GFAP: variants seen among roughly 807,000 people sequenced by gnomAD.
GFAP encodes intermediate filament protein.
A neutral mutation model predicts 49.3 loss-of-function variants in GFAP; 38 were observed. The observed-to-expected ratio is 0.77, with a 90% CI of 0.60 to 1.01. GFAP has a LOEUF of 1.01. Ranked by LOEUF, GFAP falls within the 50% of genes least tolerant of loss-of-function variation. GFAP has a pLI of 0.00. For synonymous variants in GFAP, 222 were observed against 236.4 expected (o/e 0.94, Z 0.56); for missense variants, 463 against 579.1 (o/e 0.80, Z 2.06).
At position 44,915,403 on chromosome 17, in the gene GFAP, G is replaced by C. The variant is rs1324277907; in HGVS notation, c.84C>G (p.Gly28=). The C allele has an allele frequency of 6.2e-7, 1 of 1,606,400 alleles. No individual in the cohort carries two copies. Among genetic ancestry groups the C allele is most frequent in the South Asian group, 1.1e-5 (1 of 90,434 alleles). The change falls in exon 1 of 9, where the codon GGC becomes GGG. Residue 28 remains glycine, a synonymous_variant. Transcript: ENST00000588735. This position sits in a 1 kb window ranked among gnomAD's most constrained non-coding sequence, Gnocchi z 4.1. ...GEMMVGGLAP[G]RRLGPGTRLS... Reference sequence around the variant, plus strand: ...GGCGGGTGCCAGGACCCAGACGGCGGCCAGGAGCCAGGCCCCCCACCATCA... The same window carrying C: ...GGCGGGTGCCAGGACCCAGACGGCGCCCAGGAGCCAGGCCCCCCACCATCA...
intron 2 of GFAP, 61 bp downstream of exon 2, chr17:44,913,967 T>C: frequency 7.4e-7 from 1 of 1,354,670 alleles, no homozygotes; most frequent in Non-Finnish European, 1.0e-6. Flanking sequence ...GGGGCTGTGT[T>C]TGGGTGGGTG....
rs35098586 is a variant in GFAP at position 44,903,871 on chromosome 17, G to GAGT, written c.*3475_*3476insACT. 0.29 allele frequency: 452,143 copies of GAGT among 1,550,230 alleles called. 66,281 individuals are homozygous for GAGT. Among genetic ancestry groups the GAGT allele is most frequent in the Middle Eastern group, 0.31 (1,864 of 5,970 alleles). Reference sequence around the variant, plus strand: ...CCACTGTGCTCCTGTGGGCATGGGGGCTCCAGGCCTTTGAAATTGTGGAGA... The same window carrying GAGT: ...CCACTGTGCTCCTGTGGGCATGGGGGAGTCTCCAGGCCTTTGAAATTGTGGAGA... On this transcript the variant is annotated 3_prime_UTR_variant, in exon 9 of 9. Coordinates refer to ENST00000588735, the MANE Select transcript of GFAP (RefSeq NM_002055.5).
In GFAP at chr17:44,915,051, G is replaced by A. The variant is rs778685295; in HGVS notation, c.436C>T (p.Gln146Ter). ...RLEVERDNLA[Q>*]DLATVRQKLQ... ...TTCTGCCTCACAGTGGCCAGGTCCTGTGCCAGATTGTCCCTCTCAACCTCC... is the reference window on the plus strand; with the variant it reads ...TTCTGCCTCACAGTGGCCAGGTCCTATGCCAGATTGTCCCTCTCAACCTCC... The change falls in exon 1 of 9, where the codon CAG becomes TAG. Residue 146 changes from glutamine to a stop codon, truncating the protein, a stop_gained. Transcript: ENST00000588735. LOFTEE classifies it high-confidence loss of function. The surrounding 1 kb of genome is among the most constrained non-coding windows in gnomAD (Gnocchi z 4.1). 2.5e-6 allele frequency: 4 copies of A among 1,612,326 alleles called. No homozygotes were observed. Among genetic ancestry groups the A allele is most frequent in the Non-Finnish European group, 2.5e-6 (3 of 1,179,860 alleles).
At chr17:44,910,351 G>GCTCTCACCCAGTT (rs2051731702) in intron 7 of GFAP, 2 of 1,611,406 alleles carry the variant, frequency 1.2e-6, no homozygotes, top group African/African-American at 1.3e-5. Flanking sequence ...CAGATGTCAA[G>GCTCTCACCCAGTT]CTCTCACCCA....
rs1473149672 is a variant in GFAP at position 44,915,438 on chromosome 17, AG to A, written c.48del (p.Ser17GlnfsTer4). On this transcript the variant is annotated frameshift_variant, in exon 1 of 9. Coordinates refer to ENST00000588735, the MANE Select transcript of GFAP (RefSeq NM_002055.5). LOFTEE classifies it high-confidence loss of function. The surrounding 1 kb of genome is among the most constrained non-coding windows in gnomAD (Gnocchi z 4.1). The part of the protein sequence containing the change: ...ITSAARRSYV[S>X]SGEMMVGGLA... ...AGGCCCCCCACCATCATCTCCCCTG[AG>A]GAGACGTAGGAGCGGCGAGCAGCGG... 2 of 1,608,944 alleles carry A rather than the reference AG, an allele frequency of 1.2e-6. No individual in the cohort carries two copies. The highest frequency in any genetic ancestry group is 3.4e-5 in the Admixed American group (2 of 59,488).
Position 44,907,278 on chromosome 17 carries a change from G to T in GFAP, c.*69C>A. 1 of 1,453,968 alleles carries T rather than the reference G, an allele frequency of 6.9e-7. No individual in the cohort carries two copies. The highest frequency in any genetic ancestry group is 1.4e-5 in the African/African-American group (1 of 72,118). 90.1% of individuals were successfully genotyped at this position (1,453,968 alleles called of 1,614,324 possible). ...TCTGGGGAAATGTGCCAGCAGAGGC[G>T]GAGCAACTATCCTGCTTCTGCTCGG... On this transcript the variant is annotated 3_prime_UTR_variant, in exon 9 of 9. Transcript: ENST00000588735.
At chr17:44,910,389 G>A (rs1050606073) in intron 7 of GFAP, 3 of 1,606,362 alleles carry the variant, frequency 1.9e-6, no homozygotes, top group South Asian at 2.2e-5. Context: ...GGTGCAGGGA[G>A]GGGAAGAGGG....
rs1048715991 is a variant in GFAP at position 44,915,001 on chromosome 17, C to T, written c.461+25G>A. The stretch of plus-strand genomic sequence containing the variant: ...GATTCAGCCCCTTCTGCTCACAAGG[C>T]CCCCCTTCCCCATCCCCTCCTCACT... On this transcript the variant is annotated intron_variant, in intron 1 of 8. Coordinates refer to ENST00000588735, the MANE Select transcript of GFAP (RefSeq NM_002055.5). This position sits in a 1 kb window ranked among gnomAD's most constrained non-coding sequence, Gnocchi z 4.1. The T allele has an allele frequency of 1.3e-6, 2 of 1,586,026 alleles. No individual in the cohort carries two copies. The highest frequency in any genetic ancestry group is 8.6e-7 in the Non-Finnish European group (1 of 1,164,020).
chr17:44,913,484 G>T, intron 3 of GFAP, 54 bp from the exon 4 acceptor site: 2 of 1,580,190 alleles, frequency 1.3e-6, no homozygotes, highest in Admixed American at 3.4e-5. Context: ...CCACAGCTGG[G>T]GTTCCCCACG....
rs755029454 is a variant in GFAP, at chr17:44,911,762, C to T, written c.816G>A (p.Ala272=). The part of the protein sequence containing the change: ...ADLTDAAARN[A]ELLRQAKHEA... ...CGTGCTTGGCCTGGCGGAGCAGCTCCGCGTTGCGGGCAGCAGCGTCTGTCA... is the reference window on the plus strand; with the variant it reads ...CGTGCTTGGCCTGGCGGAGCAGCTCTGCGTTGCGGGCAGCAGCGTCTGTCA... The change falls in exon 5 of 9, where the codon GCG becomes GCA. Residue 272 remains alanine (A), a synonymous_variant. Transcript: ENST00000588735. 4 of 1,613,768 alleles carry T rather than the reference C, an allele frequency of 2.5e-6. No individual in the cohort carries two copies. The highest frequency in any genetic ancestry group is 2.2e-5 in the East Asian group (1 of 44,894).
chr17:44,910,379 G>C, intron 7 of GFAP: 3 of 1,608,174 alleles, frequency 1.9e-6, no homozygotes, highest in Non-Finnish European at 2.5e-6. Flanking sequence ...TGTCGAATGG[G>C]GTGCAGGGAG....
rs543312036 is a variant in GFAP at position 44,907,284 on chromosome 17, A to G, written c.*63T>C. 5.5e-5 allele frequency: 83 copies of G among 1,507,754 alleles called. 1 individual carries two copies. In the South Asian group the frequency reaches 9.2e-4, roughly 17 times the overall value. 93.4% of individuals were successfully genotyped at this position (1,507,754 alleles called of 1,614,324 possible). On this transcript the variant is annotated 3_prime_UTR_variant, in exon 9 of 9. Transcript: ENST00000588735. ...GAAATGTGCCAGCAGAGGCGGAGCA[A>G]CTATCCTGCTTCTGCTCGGGCCCCT...
chr17:44,907,180 C>T lies in GFAP; in HGVS notation c.*167G>A, dbSNP rs932960024. 5.8e-5 allele frequency: 40 copies of T among 683,798 alleles called. No homozygotes were observed. Among genetic ancestry groups the T allele is most frequent in the African/African-American group, 2.1e-4 (12 of 56,778 alleles). The allele number at this position is 683,798 out of a possible 1,614,324, so 42.4% of individuals were successfully genotyped here. On this transcript the variant is annotated 3_prime_UTR_variant, in exon 9 of 9. Coordinates refer to ENST00000588735, the MANE Select transcript of GFAP (RefSeq NM_002055.5). ...TGCCGTCTGGCAGGCCTGATACTGA[C>T]GGAGCCTAGGGCAGCAAGCTGACCT...
intron 4 of GFAP, 110 bp from the exon 5 acceptor site, chr17:44,911,907 G>A (rs1311400174): frequency 1.5e-6 from 2 of 1,305,092 alleles, no homozygotes; most frequent in Non-Finnish European, 2.1e-6. Context: ...GTTGGCCCTG[G>A]CTGGGACTTT....
At chr17:44,911,500 T>C (rs1436554040) in intron 5 of GFAP, 44 bp from the exon 6 acceptor site, 22 of 1,565,028 alleles carry the variant, frequency 1.4e-5, no homozygotes, top group Non-Finnish European at 1.8e-5. Context: ...CCGACCCGAC[T>C]TGGGGAGGTT....
chr17:44,904,725 C>A lies in GFAP; in HGVS notation c.*2622G>T. On this transcript the variant is annotated 3_prime_UTR_variant, in exon 9 of 9. Transcript: ENST00000588735. Reference sequence around the variant, plus strand: ...GGGGCCCGGCCAGAGCATGCAGTGGCCTGGGACAAAGACCGCCAGCACCTC... The same window carrying A: ...GGGGCCCGGCCAGAGCATGCAGTGGACTGGGACAAAGACCGCCAGCACCTC... The A allele has an allele frequency of 6.4e-7, 1 of 1,550,568 alleles. No homozygotes were observed. Among genetic ancestry groups the A allele is most frequent in the Admixed American group, 2.0e-5 (1 of 51,010 alleles).
Position 44,903,614 on chromosome 17 carries a change from G to C in GFAP, c.*3733C>G. 7.1e-7 allele frequency: 1 copy of C among 1,408,596 alleles called. No individual in the cohort carries two copies. Among genetic ancestry groups the C allele is most frequent in the Non-Finnish European group, 9.2e-7 (1 of 1,088,272 alleles). The allele number at this position is 1,408,596 out of a possible 1,614,324, so 87.3% of individuals were successfully genotyped here. ...GAATGGCTTTCCCCCCCCACCCTGA[G>C]ATCAGGTCTGGAATGTTAGAAGGGC... On this transcript the variant is annotated 3_prime_UTR_variant, in exon 9 of 9. Coordinates refer to ENST00000588735, the MANE Select transcript of GFAP (RefSeq NM_002055.5).
In GFAP at chr17:44,903,734, T is replaced by C. The variant is rs1567766349; in HGVS notation, c.*3613A>G. On this transcript the variant is annotated 3_prime_UTR_variant, in exon 9 of 9. Transcript: ENST00000588735. ...TCCTGGCTGCATAATCCTTTCCTCA[T>C]CTAGAGGCTTCCGCTTAGCAGAGCT... is the stretch of plus-strand genomic sequence containing the variant. 1.4e-6 allele frequency: 2 copies of C among 1,453,368 alleles called. No homozygotes were observed. Among genetic ancestry groups the C allele is most frequent in the Admixed American group, 2.8e-5 (1 of 35,850 alleles). 90.0% of individuals were successfully genotyped at this position (1,453,368 alleles called of 1,614,324 possible).
In GFAP at chr17:44,907,350, C is replaced by T; in HGVS notation, c.1296G>A (p.Met432Ile). ...KESKQEHKDVM is the reference protein window; with the variant it reads ...KESKQEHKDVI ...AGGCCACCAGGTGGGTCCTGCCTCA[C>T]ATCACATCCTTGTGCTCCTGCTTGG... The change falls in exon 9 of 9, where the codon ATG becomes ATA. Residue 432 changes from methionine to isoleucine, a missense_variant. Transcript: ENST00000588735. The T allele has an allele frequency of 1.2e-6, 2 of 1,613,946 alleles. No homozygotes were observed. The highest frequency in any genetic ancestry group is 1.1e-5 in the South Asian group (1 of 91,080).
Sources: gnomAD v4.1 joint callset for allele counts on GRCh38, gnomAD v4.1.1 for gene constraint, Gnocchi (gnomAD v3.1) non-coding constraint, MANE v1.5 for transcripts, NCBI Gene and HGNC (gene_info 2026-07-23, HGNC 2026-07-21) for gene names.